NLK: variants seen among roughly 807,000 people sequenced by gnomAD.
NLK encodes serine/threonine-protein kinase NLK.
A neutral mutation model predicts 59.0 loss-of-function variants in NLK; 11 were observed. The observed-to-expected ratio is 0.19, with a 90% CI of 0.12 to 0.31. The LOEUF (loss-of-function observed/expected upper bound fraction) is 0.31, where lower values mean the gene tolerates loss of function less well. Ranked by LOEUF, NLK falls within the 10% of genes least tolerant of loss-of-function variation. The pLI is 1.00. For missense variants in NLK, 410 were observed against 661.1 expected, an observed-to-expected ratio of 0.62 and a Z score of 4.16; for synonymous variants, 235 against 235.9, an observed-to-expected ratio of 1.00 and a Z score of 0.03.
At chr17:28,124,739 A>G (rs890680410) in intron 2 of NLK, among the ~76,000 whole-genome samples, 4 of 152,120 alleles carry the variant, frequency 2.6e-5, no homozygotes, top group Admixed American at 6.5e-5. Context: ...AAATATTTCA[A>G]GGGTGGCATC....
In NLK at chr17:28,059,065, G is replaced by A. The variant is rs888345212; in HGVS notation, c.458+15734G>A. 2.6e-5 allele frequency among the ~76,000 whole-genome samples: 4 copies of A among 152,216 alleles called. No homozygotes were observed. In the South Asian group the frequency reaches 8.3e-4, roughly 32 times the overall value. On this transcript the variant is annotated intron_variant, in intron 1 of 10. Transcript: ENST00000407008. ...GGCTTGAGGCCAGGAGGCAGAGGTT[G>A]CAGTGAGCTGAGATTGTGCCACTGT...
chr17:28,135,253 G>C (rs949762689), intron 3 of NLK, among the ~76,000 whole-genome samples: 1 of 152,114 alleles, frequency 6.6e-6, no homozygotes, highest in African/African-American at 2.4e-5. Context: ...CCACCCTCAG[G>C]CTCAGTGATT....
intron 3 of NLK, among the ~76,000 whole-genome samples, chr17:28,148,346 C>T (rs1221753993): frequency 9.2e-5 from 14 of 151,624 alleles, no homozygotes; most frequent in Non-Finnish European, 1.8e-4. Flanking sequence ...TTTTAGTTCT[C>T]ATGCACTTAA....
At chr17:28,199,288 G>A (rs982439341), downstream of NLK, among the ~76,000 whole-genome samples, 2 of 152,258 alleles carry the variant, frequency 1.3e-5, no homozygotes, top group East Asian at 3.9e-4. Flanking sequence ...TGTGGAAAAT[G>A]GTATGCCAGT....
the NLK span, among the ~76,000 whole-genome samples, chr17:28,204,156 T>C: frequency 2.0e-5 from 3 of 152,236 alleles, no homozygotes; most frequent in Non-Finnish European, 4.4e-5. Context: ...ATTTGACAGA[T>C]GACAAAACTG....
chr17:28,084,649 C>T (rs1268432093), intron 1 of NLK, among the ~76,000 whole-genome samples: 2 of 152,076 alleles, frequency 1.3e-5, no homozygotes, highest in Non-Finnish European at 2.9e-5. Context: ...CTGCAACCTC[C>T]ACCTCCCAGG....
chr17:28,097,407 A>C (rs1182505771), intron 1 of NLK, among the ~76,000 whole-genome samples: 1 of 152,098 alleles, frequency 6.6e-6, no homozygotes, highest in Non-Finnish European at 1.5e-5. Flanking sequence ...TAAAATTCAA[A>C]TTTCCTTTTT....
chr17:28,188,412 C>T (rs897718026), intron 8 of NLK, among the ~76,000 whole-genome samples: 12 of 152,058 alleles, frequency 7.9e-5, no homozygotes, highest in Admixed American at 3.3e-4. Flanking sequence ...GAACAAGAAA[C>T]CATTTAAAGA....
intron 1 of NLK, among the ~76,000 whole-genome samples, chr17:28,102,792 A>G (rs1434396315): frequency 1.3e-5 from 2 of 152,190 alleles, no homozygotes; most frequent in Admixed American, 1.3e-4. Flanking sequence ...TTCATTTATT[A>G]TAGAGTCTGG....
chr17:28,154,630 T>C (rs1305627432), intron 3 of NLK, among the ~76,000 whole-genome samples: 1 of 152,166 alleles, frequency 6.6e-6, no homozygotes, highest in East Asian at 1.9e-4. Context: ...ATATATATAA[T>C]ACCATGGAAA....
intron 1 of NLK, among the ~76,000 whole-genome samples, chr17:28,116,760 T>A (rs1374504598): frequency 6.6e-6 from 1 of 152,206 alleles, no homozygotes; most frequent in African/African-American, 2.4e-5. Context: ...TAAATATAAA[T>A]TTTTTTCTAG....
At chr17:28,184,737 C>T (rs1289923059) in intron 7 of NLK, among the ~76,000 whole-genome samples, 1 of 152,156 alleles carries the variant, frequency 6.6e-6, no homozygotes, top group East Asian at 1.9e-4. Flanking sequence ...CACTTGAGGT[C>T]AGGGGTTCGA....
chr17:28,102,741 A>G (rs556750713), intron 1 of NLK, among the ~76,000 whole-genome samples: 2 of 152,322 alleles, frequency 1.3e-5, no homozygotes, highest in South Asian at 4.1e-4. Context: ...ATGAGGTTGC[A>G]AAAGAAATTT....
intron 1 of NLK, among the ~76,000 whole-genome samples, chr17:28,066,421 G>A (rs1261122363): frequency 6.6e-6 from 1 of 152,088 alleles, no homozygotes; most frequent in Non-Finnish European, 1.5e-5. Flanking sequence ...AAATCCAGTG[G>A]GCACATTTCA....
intron 1 of NLK, among the ~76,000 whole-genome samples, chr17:28,046,517 C>T (rs772207337): frequency 6.6e-6 from 1 of 152,102 alleles, no homozygotes; most frequent in African/African-American, 2.4e-5. Flanking sequence ...ATTACAGCCT[C>T]CAAACACCCA....
intron 7 of NLK, among the ~76,000 whole-genome samples, chr17:28,184,257 C>A (rs1410903812): frequency 1.3e-5 from 2 of 152,210 alleles, no homozygotes; most frequent in African/African-American, 4.8e-5. Flanking sequence ...TATCTCAGCA[C>A]CTTTATGGTA....
At chr17:28,182,578 C>G (rs1908952547) in intron 7 of NLK, among the ~76,000 whole-genome samples, 4 of 152,156 alleles carry the variant, frequency 2.6e-5, no homozygotes, top group Admixed American at 1.3e-4. Flanking sequence ...GCAGACTACC[C>G]ACAGGAAATT....
chr17:28,080,899 G>T (rs1567708488), intron 1 of NLK, among the ~76,000 whole-genome samples: 2 of 151,670 alleles, frequency 1.3e-5, no homozygotes, highest in African/African-American at 4.8e-5. Context: ...ATCTGATTGT[G>T]TTTTTTTTGA....
At position 28,122,721 on chromosome 17, in the gene NLK, A is replaced by C; in HGVS notation, c.577A>C (p.Lys193Gln). 6.2e-7 allele frequency: 1 copy of C among 1,613,844 alleles called. No individual in the cohort carries two copies. The highest frequency in any genetic ancestry group is 8.5e-7 in the Non-Finnish European group (1 of 1,179,792). The change falls in exon 2 of 11, where the codon AAG (lysine) becomes CAG (glutamine). Residue 193 changes from lysine (K) to glutamine (Q), a missense_variant. Coordinates refer to ENST00000407008, the MANE Select transcript of NLK (RefSeq NM_016231.5). ...FRELKMLCFFKHDNVLSALDI... is the reference protein window; with the variant it reads ...FRELKMLCFFQHDNVLSALDI... ...GGAATTGAAGATGTTGTGTTTTTTT[A>C]AGCATGATAATGTAAGTGAAATTGG...
Sources: allele counts gnomAD v4.1 joint callset (sites outside exome capture counted in the v4.1 genomes callset), GRCh38; gene constraint gnomAD v4.1.1; transcripts MANE v1.5; gene names NCBI Gene and HGNC (gene_info 2026-07-23, HGNC 2026-07-21).